FAF1: variants seen among roughly 807,000 people sequenced by gnomAD.
The protein encoded by FAF1 is Fas associated factor 1.
In FAF1, 25 loss-of-function variants were observed where a neutral mutation model predicts 92.5. The ratio of observed to expected loss-of-function variants is 0.27; its 90% CI spans 0.20 to 0.38. FAF1 has a LOEUF of 0.38. Ranked by LOEUF, FAF1 falls within the 10% of genes least tolerant of loss-of-function variation. The pLI is 1.00. For missense variants in FAF1, 636 were observed against 793.3 expected (o/e 0.80, Z 2.38); for synonymous variants, 234 against 273.2 (o/e 0.86, Z 1.42).
At chr1:50,644,739 T>C (rs1392318042) in intron 8 of FAF1, among the ~76,000 whole-genome samples, 1 of 152,254 alleles carries the variant, frequency 6.6e-6, no homozygotes, top group Non-Finnish European at 1.5e-5. Flanking sequence ...TCATGTATTT[T>C]ATCCTGTCTT....
intron 15 of FAF1, among the ~76,000 whole-genome samples, chr1:50,508,272 A>T (rs549935351): frequency 6.6e-6 from 1 of 152,352 alleles, no homozygotes; most frequent in Admixed American, 6.5e-5. Context: ...ACTAAAAGAG[A>T]TTGTTAACAC....
At chr1:50,913,223 G>C (rs774739658) in intron 1 of FAF1, among the ~76,000 whole-genome samples, 6 of 152,182 alleles carry the variant, frequency 3.9e-5, no homozygotes, top group Middle Eastern at 6.8e-3. Flanking sequence ...AAACTGCCTG[G>C]GACACAGTAG....
intron 4 of FAF1, among the ~76,000 whole-genome samples, chr1:50,783,252 A>C (rs890691573): frequency 1.3e-5 from 2 of 152,230 alleles, no homozygotes; most frequent in African/African-American, 2.4e-5. Context: ...AAACATGCAG[A>C]TGGTAACATT....
chr1:50,864,495 T>C (rs947103890), intron 1 of FAF1, among the ~76,000 whole-genome samples: 1 of 152,016 alleles, frequency 6.6e-6, no homozygotes, highest in African/African-American at 2.4e-5. Context: ...AACAGAGATA[T>C]AGATCAATGG....
At chr1:50,925,083 C>T (rs1011875859) in intron 1 of FAF1, among the ~76,000 whole-genome samples, 1 of 152,156 alleles carries the variant, frequency 6.6e-6, no homozygotes, top group Non-Finnish European at 1.5e-5. Flanking sequence ...CCAACTGATA[C>T]TCAGCAAAAG....
At chr1:50,522,827 A>G (rs1167516140) in intron 15 of FAF1, among the ~76,000 whole-genome samples, 1 of 152,206 alleles carries the variant, frequency 6.6e-6, no homozygotes, top group Non-Finnish European at 1.5e-5. Flanking sequence ...GTACAATCAT[A>G]ATGTTGTGAA....
intron 17 of FAF1, among the ~76,000 whole-genome samples, chr1:50,487,131 T>A (rs903881715): frequency 1.3e-5 from 2 of 152,224 alleles, no homozygotes; most frequent in African/African-American, 4.8e-5. Flanking sequence ...GGGGTTAGTA[T>A]TCACTACATT....
chr1:50,755,399 A>C (rs1433793074), intron 4 of FAF1, among the ~76,000 whole-genome samples: 2 of 152,206 alleles, frequency 1.3e-5, no homozygotes, highest in African/African-American at 4.8e-5. Flanking sequence ...CATTGATGCA[A>C]GAGGTGGCCT....
intron 1 of FAF1, among the ~76,000 whole-genome samples, chr1:50,875,703 G>C (rs563345400): frequency 6.6e-6 from 1 of 151,928 alleles, no homozygotes; most frequent in East Asian, 1.9e-4. Flanking sequence ...CACCCCCCTC[G>C]GCCTTCCAAA....
rs769925871 is a variant in FAF1, at chr1:50,491,848, G to GA, written c.1495-48dup. On this transcript the variant is annotated intron_variant, in intron 15 of 18. Coordinates refer to ENST00000396153, the MANE Select transcript of FAF1 (RefSeq NM_007051.3). ...ATTTTTTGACATATAACTTTTTTTTGAAAAAAAAGAGAAAAAAAACTAATG... is the reference window on the plus strand; with the variant it reads ...ATTTTTTGACATATAACTTTTTTTTGAAAAAAAAAGAGAAAAAAAACTAATG... 1.5e-4 allele frequency: 211 copies of GA among 1,402,674 alleles called. 1 individual carries two copies. Among genetic ancestry groups the GA allele is most frequent in the South Asian group, 6.2e-4 (49 of 79,178 alleles). The allele number at this position is 1,402,674 out of a possible 1,614,324, so 86.9% of individuals were successfully genotyped here. A position where few individuals can be genotyped will look rare whatever the true frequency, so the allele number is the denominator to read the frequency against.
chr1:50,757,638 T>C (rs1193317391), intron 4 of FAF1, among the ~76,000 whole-genome samples: 1 of 152,178 alleles, frequency 6.6e-6, no homozygotes, highest in African/African-American at 2.4e-5. Flanking sequence ...TCAATTTCTA[T>C]ACTTTATAAA....
chr1:50,699,232 CCA>C (rs1397232704), intron 7 of FAF1, among the ~76,000 whole-genome samples: 1 of 152,016 alleles, frequency 6.6e-6, no homozygotes, highest in Non-Finnish European at 1.5e-5. Flanking sequence ...GTATCCTAAC[CCA>C]CATAGTTTAC....
intron 13 of FAF1, among the ~76,000 whole-genome samples, chr1:50,554,947 ATCTGTCTG>A (rs1307459918): frequency 6.6e-6 from 1 of 152,154 alleles, no homozygotes; most frequent in Non-Finnish European, 1.5e-5. Flanking sequence ...GATGATTGAC[ATCTGTCTG>A]TCTGCACAAA....
At chr1:50,776,690 AT>A (rs1280670751) in intron 4 of FAF1, among the ~76,000 whole-genome samples, 1 of 152,094 alleles carries the variant, frequency 6.6e-6, no homozygotes, top group Non-Finnish European at 1.5e-5. Flanking sequence ...AAAAAAAAAA[AT>A]CTGAGGTAAT....
intron 9 of FAF1, among the ~76,000 whole-genome samples, chr1:50,586,655 T>C (rs1651246248): frequency 6.6e-6 from 1 of 152,198 alleles, no homozygotes; most frequent in African/African-American, 2.4e-5. Context: ...CCTCCCTTAA[T>C]AGTTTGTTCG....
chr1:50,652,422 A>G (rs1428917190), intron 8 of FAF1, among the ~76,000 whole-genome samples: 1 of 152,204 alleles, frequency 6.6e-6, no homozygotes, highest in Non-Finnish European at 1.5e-5. Context: ...TATTTCATCG[A>G]CTTTGCCTAT....
At chr1:50,451,782 A>G in intron 18 of FAF1, 1 of 958,212 alleles carries the variant, frequency 1.0e-6, no homozygotes, top group South Asian at 4.7e-5. Flanking sequence ...CAGTGAGTGG[A>G]AAGAACTTAC....
chr1:50,592,183 A>AT (rs1651549987), intron 9 of FAF1, among the ~76,000 whole-genome samples: 1 of 151,710 alleles, frequency 6.6e-6, no homozygotes, highest in African/African-American at 2.4e-5. Flanking sequence ...TTATCAATTT[A>AT]TATTCATCTG....
rs138634848 is a variant in FAF1, at chr1:50,737,128, A to G, written c.551+1735T>C. Among the ~76,000 whole-genome samples the G allele has an allele frequency of 3.9e-3, 601 of 152,366 alleles. 15 individuals carry two copies. Among genetic ancestry groups the G allele is most frequent in the Admixed American group, 0.028 (425 of 15,296 alleles). On this transcript the variant is annotated intron_variant, in intron 6 of 18. Transcript: ENST00000396153. The stretch of plus-strand genomic sequence containing the variant: ...TCTTATTCTTCCAATACAAAAAAAG[A>G]ATCATTATAACTTGGTAAAAATCCA...
Sources: gnomAD v4.1 joint callset for allele counts (sites outside exome capture counted in the v4.1 genomes callset) on GRCh38, gnomAD v4.1.1 for gene constraint, MANE v1.5 for transcripts, NCBI Gene and HGNC (gene_info 2026-07-23, HGNC 2026-07-21) for gene names.